The following RBFOX1 variants were observed in gnomAD, a reference collection of about 807,000 sequenced individuals.
RBFOX1 encodes the protein RNA binding protein fox-1 homolog 1.
A neutral mutation model predicts 57.7 loss-of-function variants in RBFOX1; 8 were observed. The observed-to-expected ratio is 0.14, with a 90% CI of 0.08 to 0.25. RBFOX1 has a LOEUF of 0.25. RBFOX1 is among the 10% of genes least tolerant of loss of function. The pLI is 1.00. For synonymous variants in RBFOX1, 326 were observed against 222.4 expected, an observed-to-expected ratio of 1.47 and a Z score of -4.15; for missense variants, 611 against 548.5, an observed-to-expected ratio of 1.11 and a Z score of -1.14.
At chr16:7,242,402 C>G (rs191359718) in intron 4 of RBFOX1, among the ~76,000 whole-genome samples, 1 of 152,176 alleles carries the variant, frequency 6.6e-6, no homozygotes, top group Non-Finnish European at 1.5e-5. Flanking sequence ...GGGCAAGAAA[C>G]TAGATCTCTC....
At chr16:5,749,397 A>G (rs142801908) in intron 3 of RBFOX1, among the ~76,000 whole-genome samples, 3,472 of 152,038 alleles carry the variant, frequency 0.023, 117 homozygotes, top group African/African-American at 0.079. Flanking sequence ...TATTTCCTGA[A>G]TTTGAATGTT....
At chr16:5,407,692 G>A (rs943879570) in intron 1 of RBFOX1, among the ~76,000 whole-genome samples, 2 of 152,146 alleles carry the variant, frequency 1.3e-5, no homozygotes, top group African/African-American at 4.8e-5. Flanking sequence ...GGGATTACAG[G>A]GACCCACCAC....
At chr16:7,172,282 C>T (rs767976804) in intron 4 of RBFOX1, among the ~76,000 whole-genome samples, 4 of 152,032 alleles carry the variant, frequency 2.6e-5, no homozygotes, top group Non-Finnish European at 5.9e-5. Context: ...TCAAAAAAAC[C>T]ACTTCTTTCA....
intron 4 of RBFOX1, among the ~76,000 whole-genome samples, chr16:7,191,039 A>G (rs536328212): frequency 7.2e-5 from 11 of 152,066 alleles, no homozygotes; most frequent in South Asian, 2.1e-4. Flanking sequence ...TAGATGATCA[A>G]TCCTATTCGG....
At chr16:5,383,314 G>A (rs1009040495) in intron 1 of RBFOX1, among the ~76,000 whole-genome samples, 1 of 152,150 alleles carries the variant, frequency 6.6e-6, no homozygotes, top group Admixed American at 6.5e-5. Context: ...TGCCAGGAGG[G>A]TGAGATGGCT....
At chr16:5,529,975 G>T (rs1367492488) in intron 2 of RBFOX1, among the ~76,000 whole-genome samples, 2 of 152,086 alleles carry the variant, frequency 1.3e-5, no homozygotes, top group African/African-American at 2.4e-5. Flanking sequence ...CAGAACCCAA[G>T]GCAAGAGGCA....
intron 2 of RBFOX1, among the ~76,000 whole-genome samples, chr16:6,482,445 C>G (rs559454124): frequency 5.9e-5 from 9 of 152,338 alleles, no homozygotes; most frequent in African/African-American, 1.9e-4. Context: ...CTGTGTAACT[C>G]ATTCCTATTA....
chr16:6,254,011 A>G (rs554928710), intron 1 of RBFOX1, among the ~76,000 whole-genome samples: 2 of 152,138 alleles, frequency 1.3e-5, no homozygotes, highest in South Asian at 2.1e-4. Flanking sequence ...CATGACAAAC[A>G]TACACCAGGG....
intron 2 of RBFOX1, among the ~76,000 whole-genome samples, chr16:6,544,801 G>A (rs966622445): frequency 1.6e-4 from 24 of 152,158 alleles, no homozygotes; most frequent in South Asian, 2.1e-4. Context: ...TGCTGAGCAC[G>A]TAGATTAGTC....
intron 1 of RBFOX1, among the ~76,000 whole-genome samples, chr16:5,266,265 T>C (rs1183088431): frequency 6.6e-6 from 1 of 152,128 alleles, no homozygotes; most frequent in Admixed American, 6.5e-5. Context: ...TTTTAGAATG[T>C]TGAGTGGCAT....
At chr16:6,561,275 T>G (rs1006882127) in intron 2 of RBFOX1, among the ~76,000 whole-genome samples, 2 of 152,184 alleles carry the variant, frequency 1.3e-5, no homozygotes, top group African/African-American at 4.8e-5. Flanking sequence ...GACCAGAATG[T>G]TACAGTCTGC....
At chr16:6,940,475 A>G (rs1321678901) in intron 3 of RBFOX1, among the ~76,000 whole-genome samples, 1 of 152,230 alleles carries the variant, frequency 6.6e-6, no homozygotes, top group Non-Finnish European at 1.5e-5. Flanking sequence ...GATGACAATG[A>G]TAATTTAGGT....
At chr16:7,673,952 T>G (rs1276401126) in intron 13 of RBFOX1, among the ~76,000 whole-genome samples, 2 of 152,200 alleles carry the variant, frequency 1.3e-5, no homozygotes, top group Non-Finnish European at 2.9e-5. Context: ...AGTGTTCCTT[T>G]TACAGACATC....
chr16:7,281,861 A>G (rs928882396), intron 4 of RBFOX1, among the ~76,000 whole-genome samples: 1 of 150,620 alleles, frequency 6.6e-6, no homozygotes, highest in African/African-American at 2.4e-5. Flanking sequence ...TTTTCCTTTT[A>G]TTTTTGTTTT....
chr16:5,723,904 G>A (rs12325653), intron 3 of RBFOX1, among the ~76,000 whole-genome samples: 66,411 of 151,888 alleles, frequency 0.44, 18,003 homozygotes, highest in East Asian at 0.8. Context: ...TCTTTAAAGA[G>A]CTCAAGTCAA....
chr16:7,194,941 A>AAAT (rs1555553514), intron 4 of RBFOX1, among the ~76,000 whole-genome samples: 2 of 151,672 alleles, frequency 1.3e-5, no homozygotes, highest in African/African-American at 4.9e-5. Flanking sequence ...AAAAAAAAAA[A>AAAT]AAAGTGAAGA....
intron 4 of RBFOX1, among the ~76,000 whole-genome samples, chr16:7,479,434 C>T (rs1448756561): frequency 6.6e-6 from 1 of 152,042 alleles, no homozygotes; most frequent in East Asian, 1.9e-4. Context: ...CTGGCCCAAA[C>T]CCAGGTATTT....
chr16:5,387,696 G>A (rs545528398), intron 1 of RBFOX1, among the ~76,000 whole-genome samples: 2 of 152,154 alleles, frequency 1.3e-5, no homozygotes, highest in Non-Finnish European at 2.9e-5. Flanking sequence ...ATGTTTCCCC[G>A]AAATAATGTT....
chr16:6,551,732 G>T (rs2153878109), intron 2 of RBFOX1, among the ~76,000 whole-genome samples: 1 of 152,278 alleles, frequency 6.6e-6, no homozygotes, highest in Non-Finnish European at 1.5e-5. Context: ...CATGTCTGAT[G>T]ATTGATAATA....
Sources: gnomAD v4.1 joint callset for allele counts (sites outside exome capture counted in the v4.1 genomes callset) on GRCh38, gnomAD v4.1.1 for gene constraint, MANE v1.5 for transcripts, NCBI Gene and HGNC (gene_info 2026-07-23, HGNC 2026-07-21) for gene names.